Variants in GALNT17 observed in about 807,000 individuals in gnomAD.
The protein encoded by GALNT17 is polypeptide N-acetylgalactosaminyltransferase 17.
Under a neutral mutation model 63.7 loss-of-function variants are expected in GALNT17, and 29 were observed. The observed-to-expected ratio is 0.46, with a 90% CI of 0.34 to 0.62. The LOEUF is 0.62. Among genes scored for constraint, GALNT17 ranks in the 20% least tolerant of loss-of-function variants. The pLI is 0.01. For missense variants in GALNT17, 603 were observed against 799.6 expected (o/e 0.75, Z 2.97); for synonymous variants, 305 against 318.3 (o/e 0.96, Z 0.45).
chr7:71,489,056 G>A (rs529825921), intron 5 of GALNT17, among the ~76,000 whole-genome samples: 3 of 148,200 alleles, frequency 2.0e-5, no homozygotes, highest in Admixed American at 6.8e-5. Context: ...ACCACACCTC[G>A]CAAATTTTTG....
intron 6 of GALNT17, among the ~76,000 whole-genome samples, chr7:71,583,057 T>C (rs1789660057): frequency 6.6e-6 from 1 of 152,160 alleles, no homozygotes; most frequent in African/African-American, 2.4e-5. Flanking sequence ...TGGGGAAAAT[T>C]AGTTTTTCAA....
chr7:71,391,653 A>G (rs56723528), intron 3 of GALNT17, among the ~76,000 whole-genome samples: 4 of 151,594 alleles, frequency 2.6e-5, no homozygotes, highest in Non-Finnish European at 5.9e-5. Context: ...TAGCTAATTT[A>G]TATATATATT....
chr7:71,390,211 C>G (rs1196817604), intron 3 of GALNT17, among the ~76,000 whole-genome samples: 1 of 152,092 alleles, frequency 6.6e-6, no homozygotes, highest in Non-Finnish European at 1.5e-5. Flanking sequence ...GCAAGCTGCT[C>G]CGTCGTCCGG....
Position 71,413,031 on chromosome 7 carries a change from A to G in GALNT17, c.590-2858A>G, listed in dbSNP as rs115570142. On this transcript the variant is annotated intron_variant, in intron 3 of 10. Transcript: ENST00000333538. ...GTACTCCAGCCTGGGTGGCTGAGCA[A>G]GCTTCCATCTGAAAAGGAAAATAAA... Among the ~76,000 whole-genome samples, 599 of 152,348 alleles carry G rather than the reference A, an allele frequency of 3.9e-3. 3 individuals are homozygous for G. Among genetic ancestry groups the G allele is most frequent in the African/African-American group, 0.013 (559 of 41,582 alleles).
At chr7:71,482,797 G>A (rs1398050705) in intron 5 of GALNT17, among the ~76,000 whole-genome samples, 1 of 152,140 alleles carries the variant, frequency 6.6e-6, no homozygotes, top group Non-Finnish European at 1.5e-5. Context: ...GAGGTGTCAG[G>A]ATGAAACTGT....
chr7:71,138,074 C>T (rs983608305), intron 1 of GALNT17, among the ~76,000 whole-genome samples: 1 of 152,128 alleles, frequency 6.6e-6, no homozygotes, highest in Non-Finnish European at 1.5e-5. Flanking sequence ...GGGCTGGGCA[C>T]ATTGGCTCAT....
intron 5 of GALNT17, among the ~76,000 whole-genome samples, chr7:71,557,659 C>T (rs1055632980): frequency 2.6e-5 from 4 of 151,992 alleles, no homozygotes; most frequent in South Asian, 2.1e-4. Context: ...GGCCCGGTGG[C>T]GTGTGCCTGT....
At chr7:71,252,401 T>G (rs1790215202) in intron 1 of GALNT17, among the ~76,000 whole-genome samples, 1 of 152,068 alleles carries the variant, frequency 6.6e-6, no homozygotes, top group Admixed American at 6.6e-5. Flanking sequence ...GGCACGTGCC[T>G]GTAGTCCCAG....
intron 1 of GALNT17, among the ~76,000 whole-genome samples, chr7:71,231,731 A>G (rs1789792027): frequency 6.8e-6 from 1 of 147,494 alleles, no homozygotes; most frequent in African/African-American, 2.5e-5. Context: ...GGGGAGGGAG[A>G]GAGAGAGGGA....
chr7:71,380,239 G>A (rs879318669), intron 2 of GALNT17, among the ~76,000 whole-genome samples: 3 of 152,056 alleles, frequency 2.0e-5, no homozygotes, highest in Admixed American at 6.6e-5. Flanking sequence ...TGAATGAGAG[G>A]TAAAGAAGGG....
At chr7:71,354,877 A>T (rs1792254127) in intron 2 of GALNT17, among the ~76,000 whole-genome samples, 1 of 152,114 alleles carries the variant, frequency 6.6e-6, no homozygotes, top group Non-Finnish European at 1.5e-5. Context: ...TTTCCTGAGG[A>T]AATAGCTCTG....
chr7:71,247,446 C>A (rs1171969211), intron 1 of GALNT17, among the ~76,000 whole-genome samples: 3 of 152,000 alleles, frequency 2.0e-5, no homozygotes, highest in African/African-American at 7.2e-5. Flanking sequence ...AACTTCACTA[C>A]TAATAGTCTA....
chr7:71,638,125 G>A (rs1790553951), intron 6 of GALNT17, among the ~76,000 whole-genome samples: 1 of 152,186 alleles, frequency 6.6e-6, no homozygotes, highest in Admixed American at 6.5e-5. Context: ...TGTGGCATTT[G>A]TAAACTGTTA....
intron 8 of GALNT17, among the ~76,000 whole-genome samples, chr7:71,673,436 G>A (rs1283680647): frequency 2.0e-5 from 3 of 152,104 alleles, no homozygotes; most frequent in Non-Finnish European, 4.4e-5. Context: ...AACTGAAATC[G>A]CTGCTATTTT....
intron 6 of GALNT17, among the ~76,000 whole-genome samples, chr7:71,598,135 G>C (rs933543714): frequency 2.4e-4 from 36 of 152,010 alleles, no homozygotes; most frequent in African/African-American, 8.2e-4. Flanking sequence ...GTAGAGATGG[G>C]GTTTCACCAT....
intron 5 of GALNT17, among the ~76,000 whole-genome samples, chr7:71,444,178 C>T (rs1787118715): frequency 1.3e-5 from 2 of 152,214 alleles, no homozygotes; most frequent in African/African-American, 4.8e-5. Context: ...CTCTCAGCTT[C>T]CTCAGGGCCC....
chr7:71,419,146 G>C (rs568178349), intron 4 of GALNT17, among the ~76,000 whole-genome samples: 1 of 152,132 alleles, frequency 6.6e-6, no homozygotes, highest in African/African-American at 2.4e-5. Flanking sequence ...TGACTCTTTC[G>C]CTGCTGATAG....
At chr7:71,683,413 A>G (rs888587983) in intron 9 of GALNT17, among the ~76,000 whole-genome samples, 1 of 152,232 alleles carries the variant, frequency 6.6e-6, no homozygotes, top group Non-Finnish European at 1.5e-5. Context: ...ACAGTGGCAG[A>G]ATCAGAGCTC....
chr7:71,319,816 C>G (rs1181663658), intron 1 of GALNT17, among the ~76,000 whole-genome samples: 1 of 152,150 alleles, frequency 6.6e-6, no homozygotes, highest in Admixed American at 6.6e-5. Context: ...TTTGGGTAAG[C>G]TGAGGTTTGG....
Sources: allele counts gnomAD v4.1 joint callset (sites outside exome capture counted in the v4.1 genomes callset), GRCh38; gene constraint gnomAD v4.1.1; transcripts MANE v1.5; gene names NCBI Gene and HGNC (gene_info 2026-07-23, HGNC 2026-07-21).